The following ARMC9 variants were observed in gnomAD, a reference collection of about 807,000 sequenced individuals.
ARMC9 encodes armadillo repeat containing 9, also known as lisH domain-containing protein ARMC9.
Under a neutral mutation model 107.0 loss-of-function variants are expected in ARMC9, and 94 were observed. The observed-to-expected ratio is 0.88, with a 90% CI of 0.74 to 1.04. ARMC9 has a LOEUF of 1.04. Ranked by LOEUF, ARMC9 falls within the 50% of genes least tolerant of loss-of-function variation. ARMC9 has a pLI of 0.00. For missense variants in ARMC9, 942 were observed against 1,030.1 expected, an observed-to-expected ratio of 0.91 and a Z score of 1.17; for synonymous variants, 380 against 396.9, an observed-to-expected ratio of 0.96 and a Z score of 0.51.
At chr2:231,325,941 A>G (rs562047436) in intron 19 of ARMC9, among the ~76,000 whole-genome samples, 47 of 152,282 alleles carry the variant, frequency 3.1e-4, no homozygotes, top group African/African-American at 1.1e-3. Context: ...GGTAACTGTG[A>G]GCCTGGGCCC....
At chr2:231,343,986 T>C (rs2044670296) in intron 20 of ARMC9, among the ~76,000 whole-genome samples, 1 of 152,204 alleles carries the variant, frequency 6.6e-6, no homozygotes, top group Non-Finnish European at 1.5e-5. Flanking sequence ...CTGCATAACC[T>C]GTTCTTTATC....
chr2:231,304,658 A>G (rs2041946262), intron 19 of ARMC9, among the ~76,000 whole-genome samples: 1 of 152,204 alleles, frequency 6.6e-6, no homozygotes, highest in Non-Finnish European at 1.5e-5. Context: ...CGTCCTCCCA[A>G]AGTGCTGGGA....
In ARMC9 at chr2:231,218,171, C is replaced by T. The variant is rs1015639573; in HGVS notation, c.504+1378C>T. Among the ~76,000 whole-genome samples the T allele has an allele frequency of 3.9e-5, 6 of 152,072 alleles. No homozygotes were observed. The South Asian group carries it at 8.3e-4, about 21-fold the overall frequency. On this transcript the variant is annotated intron_variant, in intron 5 of 24. Transcript: ENST00000611582. Reference sequence around the variant, plus strand: ...CTAAACTGAAGGTTACTTAGTTGACCGCTTTCATTAAAGCAGGCCTTTTGT... The same window carrying T: ...CTAAACTGAAGGTTACTTAGTTGACTGCTTTCATTAAAGCAGGCCTTTTGT...
chr2:231,327,273 T>C (rs755881899), intron 19 of ARMC9, among the ~76,000 whole-genome samples: 2 of 152,174 alleles, frequency 1.3e-5, no homozygotes, highest in Non-Finnish European at 2.9e-5. Context: ...ACTCTTCTGT[T>C]TTTAATTCAA....
chr2:231,214,387 C>CG (rs2033256666), intron 3 of ARMC9, among the ~76,000 whole-genome samples: 1 of 152,192 alleles, frequency 6.6e-6, no homozygotes, highest in African/African-American at 2.4e-5. Flanking sequence ...CCCAGCCACT[C>CG]CAGGATGTGG....
At chr2:231,277,326 G>A (rs1478014290) in intron 15 of ARMC9, among the ~76,000 whole-genome samples, 2 of 152,124 alleles carry the variant, frequency 1.3e-5, no homozygotes, top group African/African-American at 4.8e-5. Context: ...TGTTACCTGG[G>A]ATGAAAGAAG....
intron 8 of ARMC9, among the ~76,000 whole-genome samples, chr2:231,236,070 G>A (rs1296516984): frequency 6.6e-6 from 1 of 152,208 alleles, no homozygotes; most frequent in African/African-American, 2.4e-5. Flanking sequence ...TTACAGGTGT[G>A]AGCCATCACA....
At chr2:231,306,505 C>T (rs546634945) in intron 19 of ARMC9, among the ~76,000 whole-genome samples, 3 of 152,016 alleles carry the variant, frequency 2.0e-5, no homozygotes, top group South Asian at 4.2e-4. Context: ...GAATTTGAGA[C>T]AAGAAATAGA....
intron 15 of ARMC9, among the ~76,000 whole-genome samples, chr2:231,277,655 C>T (rs192987923): frequency 3.3e-5 from 5 of 151,740 alleles, no homozygotes; most frequent in Non-Finnish European, 5.9e-5. Flanking sequence ...CTCTGCCTCC[C>T]GGGTTCAAGC....
At chr2:231,290,928 T>G (rs13428268) in intron 17 of ARMC9, among the ~76,000 whole-genome samples, 42,473 of 146,840 alleles carry the variant, frequency 0.29, 6,418 homozygotes, top group African/African-American at 0.34. Flanking sequence ...AAGGCAATAT[T>G]GTGCAGTAAA....
intron 6 of ARMC9, among the ~76,000 whole-genome samples, chr2:231,225,711 C>T (rs550091091): frequency 6.6e-6 from 1 of 152,226 alleles, no homozygotes; most frequent in African/African-American, 2.4e-5. Flanking sequence ...TTGCCAGGGG[C>T]TGGGGAGAGC....
chr2:231,272,166 T>TTGTG (rs60518694), intron 13 of ARMC9, among the ~76,000 whole-genome samples: 111 of 146,806 alleles, frequency 7.6e-4, no homozygotes, highest in African/African-American at 2.9e-3. Flanking sequence ...TGTGGGGGTT[T>TTGTG]TGTGTGTGTG....
chr2:231,229,144 T>C (rs1389572077), intron 7 of ARMC9, among the ~76,000 whole-genome samples: 2 of 152,020 alleles, frequency 1.3e-5, no homozygotes, highest in Non-Finnish European at 2.9e-5. Flanking sequence ...AGTGCATCTG[T>C]GGCGGAGTGA....
intron 3 of ARMC9, among the ~76,000 whole-genome samples, chr2:231,211,394 T>C (rs1386755048): frequency 6.6e-6 from 1 of 150,820 alleles, no homozygotes; most frequent in African/African-American, 2.4e-5. Flanking sequence ...TAGCGGGGCA[T>C]AGTGGCAGGC....
intron 9 of ARMC9, among the ~76,000 whole-genome samples, chr2:231,248,659 T>G (rs370788271): frequency 2.0e-5 from 3 of 151,572 alleles, no homozygotes; most frequent in African/African-American, 7.3e-5. Context: ...ATACAAAAAT[T>G]AGCCAGGCGT....
chr2:231,308,793 C>T (rs891536826), intron 19 of ARMC9, among the ~76,000 whole-genome samples: 2 of 152,206 alleles, frequency 1.3e-5, no homozygotes, highest in African/African-American at 4.8e-5. Context: ...CACCTTCATA[C>T]GTGACCTGTG....
At chr2:231,270,935 C>A in intron 12 of ARMC9, 47 bp from the exon 13 acceptor site, 1 of 1,544,950 alleles carries the variant, frequency 6.5e-7, no homozygotes, top group Non-Finnish European at 8.9e-7. Flanking sequence ...GTGTGTTTAT[C>A]TCTCCGTGTT....
intron 19 of ARMC9, among the ~76,000 whole-genome samples, chr2:231,306,794 A>G (rs2042058992): frequency 6.6e-6 from 1 of 152,218 alleles, no homozygotes; most frequent in Non-Finnish European, 1.5e-5. Flanking sequence ...ACAATAAGAA[A>G]CAACATGGGA....
At chr2:231,272,903 C>T in intron 13 of ARMC9, 52 bp from the exon 14 acceptor site, 2 of 1,591,396 alleles carry the variant, frequency 1.3e-6, no homozygotes, top group Non-Finnish European at 1.7e-6. Flanking sequence ...TTGTAGCATA[C>T]CAGATAAATT....
Sources: gnomAD v4.1 joint callset for allele counts (sites outside exome capture counted in the v4.1 genomes callset) on GRCh38, gnomAD v4.1.1 for gene constraint, MANE v1.5 for transcripts, NCBI Gene and HGNC (gene_info 2026-07-23, HGNC 2026-07-21) for gene names.